The following SPATA18 variants were observed in gnomAD, a reference collection of about 807,000 sequenced individuals.
SPATA18 encodes mitochondria-eating protein.
SPATA18 carries 54 observed loss-of-function variants against 68.1 expected under a neutral mutation model. The ratio of observed to expected loss-of-function variants is 0.79; its 90% CI spans 0.64 to 0.99. The LOEUF (loss-of-function observed/expected upper bound fraction) is 0.99. Among genes scored for constraint, SPATA18 ranks in the 50% least tolerant of loss-of-function variants. The probability of loss-of-function intolerance (pLI) is 0.00; values close to 1 mark genes in which losing one functional copy is unlikely to be tolerated. For synonymous variants in SPATA18, 242 were observed against 244.8 expected (o/e 0.99, Z 0.11); for missense variants, 724 against 681.1 (o/e 1.06, Z -0.70).
At chr4:52,079,963 C>T (rs767522914) in intron 9 of SPATA18, 44 bp downstream of exon 9, 5 of 1,572,106 alleles carry the variant, frequency 3.2e-6, no homozygotes, top group Non-Finnish European at 3.5e-6. Flanking sequence ...ATCATGAATA[C>T]ATTGTCTTGT....
At chr4:52,069,221 G>A (rs1188900420) in intron 4 of SPATA18, among the ~76,000 whole-genome samples, 2 of 152,130 alleles carry the variant, frequency 1.3e-5, no homozygotes, top group Non-Finnish European at 2.9e-5. Context: ...ATTATGATTT[G>A]TCTACCATGA....
intron 6 of SPATA18, among the ~76,000 whole-genome samples, chr4:52,073,973 C>T (rs571951238): frequency 9.2e-5 from 14 of 152,256 alleles, no homozygotes; most frequent in Admixed American, 2.0e-4. Context: ...TTTCTAGCAA[C>T]GATAGACTTG....
intron 6 of SPATA18, among the ~76,000 whole-genome samples, chr4:52,074,519 G>T (rs1446076447): frequency 6.6e-6 from 1 of 152,114 alleles, no homozygotes; most frequent in Admixed American, 6.6e-5. Flanking sequence ...TGGCATGATG[G>T]TTTTTTCCGA....
chr4:52,080,252 T>C (rs1453426837), intron 9 of SPATA18, among the ~76,000 whole-genome samples: 2 of 152,248 alleles, frequency 1.3e-5, no homozygotes, highest in African/African-American at 4.8e-5. Flanking sequence ...AAGTATGATG[T>C]GTGGATCACC....
chr4:52,053,975 C>T (rs1738119972), intron 1 of SPATA18, among the ~76,000 whole-genome samples: 1 of 152,210 alleles, frequency 6.6e-6, no homozygotes, highest in Admixed American at 6.5e-5. Flanking sequence ...CCCCTTTAAG[C>T]TCTTTAACCT....
intron 10 of SPATA18, among the ~76,000 whole-genome samples, chr4:52,084,078 A>G (rs1354709099): frequency 2.6e-5 from 4 of 151,776 alleles, no homozygotes; most frequent in African/African-American, 4.8e-5. Flanking sequence ...TATTGAGTCC[A>G]TAGAAATAGA....
chr4:52,078,227 G>C (rs1160918737), intron 7 of SPATA18: 2 of 152,142 alleles, frequency 1.3e-5, no homozygotes, highest in Non-Finnish European at 2.9e-5. Context: ...ACCACTTACT[G>C]AGTTAGTTAA....
At chr4:52,070,189 A>G (rs1308879077) in intron 5 of SPATA18, among the ~76,000 whole-genome samples, 1 of 151,990 alleles carries the variant, frequency 6.6e-6, no homozygotes, top group African/African-American at 2.4e-5. Context: ...CAATTAATAT[A>G]TTAAAAATAG....
chr4:52,073,394 C>A (rs1400325189), intron 6 of SPATA18, among the ~76,000 whole-genome samples: 1 of 152,152 alleles, frequency 6.6e-6, no homozygotes, highest in Non-Finnish European at 1.5e-5. Flanking sequence ...GGCAATATAA[C>A]TTTTTACTGA....
At chr4:52,070,701 AAG>A (rs1171019380) in intron 5 of SPATA18, among the ~76,000 whole-genome samples, 1 of 152,238 alleles carries the variant, frequency 6.6e-6, no homozygotes, top group East Asian at 1.9e-4. Context: ...AAAATAAAAA[AAG>A]AGTGAATTCA....
chr4:52,088,763 C>T (rs1167155767), intron 11 of SPATA18, among the ~76,000 whole-genome samples: 1 of 152,078 alleles, frequency 6.6e-6, no homozygotes, highest in Admixed American at 6.5e-5. Context: ...TGTGTCTCTG[C>T]CAGGTTTTGG....
intron 8 of SPATA18, among the ~76,000 whole-genome samples, chr4:52,079,492 G>T (rs1740726538): frequency 6.6e-6 from 1 of 152,102 alleles, no homozygotes; most frequent in South Asian, 2.1e-4. Context: ...AGCCACAGAA[G>T]GTTTTTTTCC....
At chr4:52,080,056 T>A in intron 9 of SPATA18, 137 bp downstream of exon 9, 2 of 851,562 alleles carry the variant, frequency 2.3e-6, no homozygotes, top group Non-Finnish European at 3.6e-6. Flanking sequence ...CCCTACCATA[T>A]ACTTCTCTGT....
intron 11 of SPATA18, among the ~76,000 whole-genome samples, chr4:52,089,066 G>A (rs1741708263): frequency 6.6e-6 from 1 of 152,146 alleles, no homozygotes; most frequent in Non-Finnish European, 1.5e-5. Context: ...TAGTTTATTT[G>A]TGAAGAGGTG....
chr4:52,095,319 T>G lies in SPATA18; in HGVS notation c.*432T>G, dbSNP rs1291475303. ...GTAAATATAATTGTTGGTATCAGCT[T>G]TAGCTCAAAACCAATATTAGGTGTT... On this transcript the variant is annotated 3_prime_UTR_variant, in exon 13 of 13. Transcript: ENST00000295213. 5.6e-6 allele frequency: 1 copy of G among 179,232 alleles called. No individual in the cohort carries two copies. The highest frequency in any genetic ancestry group is 1.2e-5 in the Non-Finnish European group (1 of 85,866). The allele number at this position is 179,232 out of a possible 1,614,324, so 11.1% of individuals were successfully genotyped here. A position where few individuals can be genotyped will look rare whatever the true frequency, so the allele number is the denominator to read the frequency against.
intron 4 of SPATA18, among the ~76,000 whole-genome samples, chr4:52,069,388 T>C (rs1739601746): frequency 6.6e-6 from 1 of 152,188 alleles, no homozygotes; most frequent in Non-Finnish European, 1.5e-5. Flanking sequence ...TTTTTAAATA[T>C]TGAAGAAGTC....
intron 11 of SPATA18, among the ~76,000 whole-genome samples, chr4:52,088,899 A>G (rs1424682851): frequency 6.6e-6 from 1 of 152,104 alleles, no homozygotes; most frequent in Non-Finnish European, 1.5e-5. Context: ...TCAGCTGTGA[A>G]TCCGTCTGGT....
At chr4:52,052,858 A>T (rs1201029553) in intron 1 of SPATA18, among the ~76,000 whole-genome samples, 1 of 152,190 alleles carries the variant, frequency 6.6e-6, no homozygotes, top group African/African-American at 2.4e-5. Flanking sequence ...AGTGGAGGGG[A>T]GCTCAAAGAG....
chr4:52,083,010 A>G (rs1258736438), intron 10 of SPATA18: 2 of 985,286 alleles, frequency 2.0e-6, no homozygotes, highest in Non-Finnish European at 2.4e-6. Flanking sequence ...AGAGGAACCA[A>G]TCAGTTTGGG....
Sources: gnomAD v4.1 joint callset for allele counts (sites outside exome capture counted in the v4.1 genomes callset) on GRCh38, gnomAD v4.1.1 for gene constraint, MANE v1.5 for transcripts, NCBI Gene and HGNC (gene_info 2026-07-23, HGNC 2026-07-21) for gene names.